CDK2: variants seen among roughly 807,000 people sequenced by gnomAD.
CDK2 encodes cyclin dependent kinase 2.
A neutral mutation model predicts 35.0 loss-of-function variants in CDK2; 8 were observed. The ratio of observed to expected loss-of-function variants is 0.23; its 90% CI spans 0.13 to 0.41. The LOEUF (loss-of-function observed/expected upper bound fraction) is 0.41. CDK2 is among the 10% of genes least tolerant of loss of function. CDK2 has a pLI of 1.00. For missense variants in CDK2, 201 were observed against 367.1 expected (o/e 0.55, Z 3.70); for synonymous variants, 134 against 137.7 (o/e 0.97, Z 0.19).
intron 3 of CDK2, among the ~76,000 whole-genome samples, chr12:55,968,502 T>C (rs570304739): frequency 3.3e-5 from 5 of 152,146 alleles, no homozygotes; most frequent in Non-Finnish European, 5.9e-5. Context: ...TGAGTCCCTA[T>C]TGTCTATTTT....
intron 5 of CDK2, chr12:55,970,691 G>A: frequency 2.8e-6 from 2 of 702,312 alleles, no homozygotes; most frequent in African/African-American, 3.5e-5. Flanking sequence ...GTATCTAGAA[G>A]TGGCTGCATC....
intron 6 of CDK2, 91 bp downstream of exon 6, chr12:55,971,338 C>T (rs1242766494): frequency 7.6e-7 from 1 of 1,307,290 alleles, no homozygotes; most frequent in African/African-American, 1.5e-5. Flanking sequence ...AAATCTGGGC[C>T]TCAGTGTTTC....
At chr12:55,970,626 G>C in intron 5 of CDK2, 3 of 702,360 alleles carry the variant, frequency 4.3e-6, no homozygotes, top group Non-Finnish European at 7.8e-6. Context: ...CACCATGCTA[G>C]GTGCTGTGGG....
chr12:55,967,200 A>T (rs1391241022), intron 1 of CDK2, 76 bp downstream of exon 1: 4 of 1,122,594 alleles, frequency 3.6e-6, no homozygotes, highest in Non-Finnish European at 5.3e-6. Context: ...ACGGGCGGGT[A>T]GCCGTCCAGG....
chr12:55,971,692 C>A lies in CDK2; in HGVS notation c.*67C>A. The A allele has an allele frequency of 8.0e-7, 1 of 1,252,342 alleles. No individual in the cohort carries two copies. Among genetic ancestry groups the A allele is most frequent in the Non-Finnish European group, 1.2e-6 (1 of 858,194 alleles). 77.6% of individuals were successfully genotyped at this position (1,252,342 alleles called of 1,614,324 possible). ...CCAGTGTGGGCTTGACCAGGCTTGG[C>A]CTTGGGCTATTTGGACTCAGGTGGG... is the stretch of plus-strand genomic sequence containing the variant. On this transcript the variant is annotated 3_prime_UTR_variant, in exon 7 of 7. Coordinates refer to ENST00000266970, the MANE Select transcript of CDK2 (RefSeq NM_001798.5).
At chr12:55,970,899 G>A (rs990378901) in intron 5 of CDK2, 145 bp from the exon 6 acceptor site, 21 of 770,964 alleles carry the variant, frequency 2.7e-5, no homozygotes, top group Non-Finnish European at 4.3e-5. Context: ...CTCAGGTTCT[G>A]TGTGACTGAC....
Position 55,972,126 on chromosome 12 carries a change from T to A in CDK2, c.*501T>A, listed in dbSNP as rs929767432. 6.4e-6 allele frequency: 1 copy of A among 155,260 alleles called. No individual in the cohort carries two copies. Among genetic ancestry groups the A allele is most frequent in the African/African-American group, 2.4e-5 (1 of 41,450 alleles). The allele number at this position is 155,260 out of a possible 1,614,324, so 9.6% of individuals were successfully genotyped here. On this transcript the variant is annotated 3_prime_UTR_variant, in exon 7 of 7. Coordinates refer to ENST00000266970, the MANE Select transcript of CDK2 (RefSeq NM_001798.5). ...TAAAGAATTCGGTTGAAAAAATAGA[T>A]CCAATCAGTTTATACCCTAGTTAGT...
rs1889482169 is a variant in CDK2 at position 55,971,721 on chromosome 12, T to G, written c.*96T>G. 4.6e-6 allele frequency: 4 copies of G among 862,026 alleles called. No individual in the cohort carries two copies. In the South Asian group the frequency reaches 5.9e-5, roughly 13 times the overall value. 53.4% of individuals were successfully genotyped at this position (862,026 alleles called of 1,614,324 possible). On this transcript the variant is annotated 3_prime_UTR_variant, in exon 7 of 7. Transcript: ENST00000266970. The stretch of plus-strand genomic sequence containing the variant: ...GGGCTATTTGGACTCAGGTGGGCCC[T>G]CTGAACTTGCCTTAAACACTCACCT...
Position 55,971,044 on chromosome 12 carries a change from G to A in CDK2, c.589G>A (p.Val197Met), listed in dbSNP as rs556791341. 3 of 1,613,728 alleles carry A rather than the reference G, an allele frequency of 1.9e-6. No individual in the cohort carries two copies. The African/African-American group carries it at 4.0e-5, about 22-fold the overall frequency. ...GTATTTCCTCTTTCCCCATTTTCAG[G>A]TGACTCGCCGGGCCCTATTCCCTGG... is the stretch of plus-strand genomic sequence containing the variant. The part of the protein sequence containing the change: ...WSLGCIFAEM[V>M]TRRALFPGDS... The change falls in exon 6 of 7, where the codon GTG becomes ATG. Residue 197 changes from valine to methionine, a missense_variant and splice_region_variant. By Grantham distance (21) the Val-to-Met change is conservative (BLOSUM62 1). Transcript: ENST00000266970.
At chr12:55,967,529 A>G in intron 1 of CDK2, 6 of 442,866 alleles carry the variant, frequency 1.4e-5, no homozygotes, top group Non-Finnish European at 8.2e-6. Context: ...TCCTCTTTCC[A>G]AAGAATGGCA....
Position 55,968,104 on chromosome 12 carries a change from C to T in CDK2, c.250C>T (p.His84Tyr). The change falls in exon 3 of 7, where the codon CAC becomes TAC. Residue 84 changes from histidine (H) to tyrosine (Y), a missense_variant. Coordinates refer to ENST00000266970, the MANE Select transcript of CDK2 (RefSeq NM_001798.5). Reference sequence around the variant, plus strand: ...ACTCTACCTGGTTTTTGAATTTCTGCACCAAGATCTCAAGAAATTCATGGA... The same window carrying T: ...ACTCTACCTGGTTTTTGAATTTCTGTACCAAGATCTCAAGAAATTCATGGA... ...NKLYLVFEFL[H>Y]QDLKKFMDAS... 6.2e-7 allele frequency: 1 copy of T among 1,613,954 alleles called. No individual in the cohort carries two copies. Among genetic ancestry groups the T allele is most frequent in the Non-Finnish European group, 8.5e-7 (1 of 1,179,872 alleles).
At chr12:55,967,184 C>A in intron 1 of CDK2, 60 bp downstream of exon 1, 2 of 1,293,710 alleles carry the variant, frequency 1.5e-6, no homozygotes, top group African/African-American at 1.5e-5. Flanking sequence ...TCCCCCCCAA[C>A]CCCCCACGGG....
rs1318475210 is a variant in CDK2, at chr12:55,968,109, A to G, written c.255A>G (p.Gln85=). 3.7e-6 allele frequency: 6 copies of G among 1,614,026 alleles called. No homozygotes were observed. Among genetic ancestry groups the G allele is most frequent in the Middle Eastern group, 3.3e-4 (2 of 6,062 alleles). ...ACCTGGTTTTTGAATTTCTGCACCA[A>G]GATCTCAAGAAATTCATGGATGCCT... ...KLYLVFEFLH[Q]DLKKFMDASA... Residue 85 remains glutamine, a synonymous_variant, in exon 3 of 7, where the codon CAA becomes CAG. Transcript: ENST00000266970.
chr12:55,968,298 T>G (rs1185394679), intron 3 of CDK2, 129 bp downstream of exon 3: 16 of 884,864 alleles, frequency 1.8e-5, no homozygotes, highest in Non-Finnish European at 2.4e-5. Flanking sequence ...CACACTCCCC[T>G]TCTTTTTGTG....
chr12:55,970,567 T>C (rs911462838), intron 5 of CDK2: 8 of 700,156 alleles, frequency 1.1e-5, no homozygotes, highest in Non-Finnish European at 2.1e-5. Flanking sequence ...TCCGTATTCC[T>C]CTCTCAATTC....
Position 55,971,115 on chromosome 12 carries a change from G to T in CDK2, c.660G>T (p.Gly220=). ...TCTTCCGGATCTTTCGGACTCTGGG[G>T]ACCCCAGATGAGGTGGTGTGGCCAG... ...DQLFRIFRTL[G]TPDEVVWPGV... Residue 220 remains glycine (G), a synonymous_variant, in exon 6 of 7, where the codon GGG becomes GGT. Transcript: ENST00000266970. 6.2e-7 allele frequency: 1 copy of T among 1,614,140 alleles called. No homozygotes were observed. Among genetic ancestry groups the T allele is most frequent in the Non-Finnish European group, 8.5e-7 (1 of 1,180,036 alleles).
At chr12:55,970,909 C>A (rs1237733063) in intron 5 of CDK2, 135 bp from the exon 6 acceptor site, 4 of 788,532 alleles carry the variant, frequency 5.1e-6, no homozygotes, top group African/African-American at 5.1e-5. Context: ...GTGTGACTGA[C>A]CCCATGAAAG....
chr12:55,967,101 G>A lies in CDK2; in HGVS notation c.93G>A (p.Ala31=). 1.2e-6 allele frequency: 2 copies of A among 1,613,274 alleles called. No individual in the cohort carries two copies. The highest frequency in any genetic ancestry group is 1.7e-6 in the Non-Finnish European group (2 of 1,179,620). The change falls in exon 1 of 7, where the codon GCG becomes GCA. Residue 31 remains alanine, a synonymous_variant. Transcript: ENST00000266970. ...ACAAGTTGACGGGAGAGGTGGTGGC[G>A]CTTAAGAAAATCCGCCTGGACACGT... The part of the protein sequence containing the change: ...ARNKLTGEVV[A]LKKIRLDTET...
Position 55,971,030 on chromosome 12 carries a change from T to C in CDK2, c.589-14T>C. ...CAACGTGGGTCTTGGTATTTCCTCTTTCCCCATTTTCAGGTGACTCGCCGG... is the reference window on the plus strand; with the variant it reads ...CAACGTGGGTCTTGGTATTTCCTCTCTCCCCATTTTCAGGTGACTCGCCGG... On this transcript the variant is annotated splice_polypyrimidine_tract_variant and intron_variant, in intron 5 of 6. Coordinates refer to ENST00000266970, the MANE Select transcript of CDK2 (RefSeq NM_001798.5). The C allele has an allele frequency of 6.2e-7, 1 of 1,611,854 alleles. No homozygotes were observed. The highest frequency in any genetic ancestry group is 8.5e-7 in the Non-Finnish European group (1 of 1,177,970).
Sources: gnomAD v4.1 joint callset for allele counts (sites outside exome capture counted in the v4.1 genomes callset) on GRCh38, gnomAD v4.1.1 for gene constraint, MANE v1.5 for transcripts, NCBI Gene and HGNC (gene_info 2026-07-23, HGNC 2026-07-21) for gene names.